The following TTLL13 variants were observed in gnomAD, a reference collection of about 807,000 sequenced individuals.
TTLL13 encodes tubulin tyrosine ligase like 13, also known as tubulin polyglutamylase TTLL13.
At chr15:90,255,733 A>T in the TTLL13 span, 3 of 1,614,158 alleles carry the variant, frequency 1.9e-6, no homozygotes, top group Non-Finnish European at 2.5e-6. Context: ...CTGGGGGCTC[A>T]TACTAACTGG....
chr15:90,264,856 G>GC, the TTLL13 span: 5 of 1,536,038 alleles, frequency 3.3e-6, no homozygotes, highest in African/African-American at 2.7e-5. Context: ...AATGCACCTT[G>GC]CCCTCCATGG....
At chr15:90,257,959 T>C in the TTLL13 span, 2 of 1,362,068 alleles carry the variant, frequency 1.5e-6, no homozygotes, top group African/African-American at 2.9e-5. Context: ...CAATTAGCGT[T>C]AGTGTGAGGG....
chr15:90,255,032 G>A, the TTLL13 span, among the ~76,000 whole-genome samples: 1 of 152,212 alleles, frequency 6.6e-6, no homozygotes, highest in Non-Finnish European at 1.5e-5. Flanking sequence ...AGTTCATACA[G>A]TGAGTGCGGC....
the TTLL13 span, chr15:90,250,638 C>T: frequency 5.6e-6 from 9 of 1,613,070 alleles, no homozygotes; most frequent in African/African-American, 5.3e-5. Flanking sequence ...AGAATGGAGC[C>T]GAGTACCTGT....
chr15:90,250,794 C>A, the TTLL13 span: 1 of 1,614,192 alleles, frequency 6.2e-7, no homozygotes, highest in Non-Finnish European at 8.5e-7. Flanking sequence ...GTTCCCTCAC[C>A]CATTATGGCC....
chr15:90,262,983 G>T, the TTLL13 span: 1 of 1,535,892 alleles, frequency 6.5e-7, no homozygotes, highest in Non-Finnish European at 8.7e-7. Context: ...CGGGACAGCT[G>T]GACACCATGA....
the TTLL13 span, chr15:90,258,200 A>C: frequency 3.7e-6 from 6 of 1,614,236 alleles, no homozygotes; most frequent in South Asian, 1.1e-5. Context: ...ATGGAGGTAC[A>C]TGTGCCTGTT....
the TTLL13 span, chr15:90,265,442 G>A: frequency 7.6e-7 from 1 of 1,318,966 alleles, no homozygotes; most frequent in East Asian, 3.4e-5. Context: ...TCTTGGAAAC[G>A]GAATCCGTAC....
the TTLL13 span, chr15:90,251,676 G>A: frequency 4.6e-5 from 70 of 1,518,244 alleles, no homozygotes; most frequent in Middle Eastern, 1.7e-4. Context: ...ATGGACCCCC[G>A]ATCAGGCTTC....
chr15:90,257,092 C>T, the TTLL13 span: 3 of 1,573,156 alleles, frequency 1.9e-6, no homozygotes, highest in Non-Finnish European at 1.7e-6. Context: ...ACATAGTAGG[C>T]ACTTCAAAAG....
At chr15:90,251,336 G>A in the TTLL13 span, among the ~76,000 whole-genome samples, 1 of 139,114 alleles carries the variant, frequency 7.2e-6, no homozygotes. Flanking sequence ...GTGTTAGCCA[G>A]GATGGTCTCT....
chr15:90,258,952 T>A, the TTLL13 span: 1 of 1,613,928 alleles, frequency 6.2e-7, no homozygotes, highest in African/African-American at 1.3e-5. Flanking sequence ...TGGCATGTGT[T>A]TAGTTCTTCA....
the TTLL13 span, chr15:90,257,994 A>C: frequency 6.3e-6 from 10 of 1,582,298 alleles, no homozygotes; most frequent in Non-Finnish European, 8.7e-6. Flanking sequence ...AGCCTGGCCC[A>C]GTGGCCTAGA....
At chr15:90,251,280 A>ATTTTTTTTTTTTTT in the TTLL13 span, among the ~76,000 whole-genome samples, 12 of 109,514 alleles carry the variant, frequency 1.1e-4, no homozygotes, top group African/African-American at 1.8e-4. Flanking sequence ...CGCATGGCAA[A>ATTTTTTTTTTTTTT]TTTTTTTTTT....
the TTLL13 span, chr15:90,264,678 T>A: frequency 6.5e-7 from 1 of 1,527,918 alleles, no homozygotes; most frequent in Non-Finnish European, 8.8e-7. Context: ...ACAAATCTCT[T>A]CTGTGAATAC....
At chr15:90,261,906 A>G in the TTLL13 span, 3 of 1,015,690 alleles carry the variant, frequency 3.0e-6, no homozygotes, top group South Asian at 2.2e-5. Flanking sequence ...CAGGAGGTCA[A>G]GAAGCCAGCA....
chr15:90,250,827 T>C, the TTLL13 span: 9 of 1,614,032 alleles, frequency 5.6e-6, no homozygotes, highest in East Asian at 1.8e-4. Flanking sequence ...AAGAAAGTCA[T>C]AGCCCCAGTT....
At chr15:90,256,542 C>T in the TTLL13 span, among the ~76,000 whole-genome samples, 1 of 146,322 alleles carries the variant, frequency 6.8e-6, no homozygotes, top group African/African-American at 2.5e-5. Flanking sequence ...CTGTCTCCTT[C>T]CTTTTTCTTT....
chr15:90,257,324 T>C, the TTLL13 span: 1 of 1,581,582 alleles, frequency 6.3e-7, no homozygotes, highest in Non-Finnish European at 8.6e-7. Context: ...CTGCCAAAAG[T>C]GCTGAGGTTC....
Sources: allele counts gnomAD v4.1 joint callset (sites outside exome capture counted in the v4.1 genomes callset), GRCh38; gene constraint gnomAD v4.1.1; transcripts MANE v1.5; gene names NCBI Gene and HGNC (gene_info 2026-07-23, HGNC 2026-07-21).